AUTS2: variants seen among roughly 807,000 people sequenced by gnomAD.
The protein encoded by AUTS2 is activator of transcription and developmental regulator AUTS2.
AUTS2 carries 17 observed loss-of-function variants against 112.4 expected under a neutral mutation model. That is an observed-to-expected ratio of 0.15 (90% CI 0.10 to 0.23). The LOEUF is 0.23. Ranked by LOEUF, AUTS2 falls within the 10% of genes least tolerant of loss-of-function variation. AUTS2 has a pLI of 1.00. For missense variants in AUTS2, 1,510 were observed against 1,701.6 expected (o/e 0.89, Z 1.98); for synonymous variants, 751 against 702.7 (o/e 1.07, Z -1.09).
intron 5 of AUTS2, among the ~76,000 whole-genome samples, chr7:70,649,311 G>A (rs1585437882): frequency 6.6e-6 from 1 of 152,116 alleles, no homozygotes; most frequent in East Asian, 1.9e-4. Flanking sequence ...GAGGTGGAAG[G>A]ATTACTGGAC....
At chr7:70,180,476 A>G (rs1176085816) in intron 4 of AUTS2, among the ~76,000 whole-genome samples, 1 of 152,200 alleles carries the variant, frequency 6.6e-6, no homozygotes, top group Non-Finnish European at 1.5e-5. Context: ...TCTTCTCGGT[A>G]TTCTTTGCAA....
At chr7:70,356,264 A>T (rs1005635592) in intron 4 of AUTS2, among the ~76,000 whole-genome samples, 1 of 152,208 alleles carries the variant, frequency 6.6e-6, no homozygotes, top group Non-Finnish European at 1.5e-5. Context: ...AAACTGCTGT[A>T]TCAAGTTTCA....
intron 1 of AUTS2, among the ~76,000 whole-genome samples, chr7:69,626,675 T>C (rs1793967609): frequency 6.6e-6 from 1 of 152,246 alleles, no homozygotes; most frequent in South Asian, 2.1e-4. Flanking sequence ...AGTTAATTAC[T>C]GAACAGTGAT....
At chr7:70,034,309 T>C (rs370485074) in intron 2 of AUTS2, among the ~76,000 whole-genome samples, 71 of 152,312 alleles carry the variant, frequency 4.7e-4, no homozygotes, top group African/African-American at 1.7e-3. Context: ...TAAGTAACTC[T>C]GTGATGCTTT....
At chr7:70,722,213 G>A (rs10230729) in intron 6 of AUTS2, among the ~76,000 whole-genome samples, 114,815 of 151,878 alleles carry the variant, frequency 0.76, 43,781 homozygotes, top group East Asian at 1. Flanking sequence ...CTTTTAGGAA[G>A]TCCTACTTTG....
At chr7:69,940,357 G>T (rs1796577497) in intron 2 of AUTS2, among the ~76,000 whole-genome samples, 1 of 152,164 alleles carries the variant, frequency 6.6e-6, no homozygotes, top group Admixed American at 6.5e-5. Context: ...TGTCTTTTGG[G>T]ATGAAACATG....
At chr7:69,764,901 AGGATGGATGATG>A (rs1788353717) in intron 1 of AUTS2, among the ~76,000 whole-genome samples, 1 of 152,190 alleles carries the variant, frequency 6.6e-6, no homozygotes, top group South Asian at 2.1e-4. Context: ...AACCAGGCTT[AGGATGGATGATG>A]GGTTTATTGT....
chr7:70,524,959 G>A (rs117436622), intron 5 of AUTS2, among the ~76,000 whole-genome samples: 2 of 152,298 alleles, frequency 1.3e-5, no homozygotes, highest in Non-Finnish European at 2.9e-5. Flanking sequence ...TCTAATAAGT[G>A]CACTGGCTTG....
At chr7:70,755,839 A>T (rs559150769) in intron 6 of AUTS2, among the ~76,000 whole-genome samples, 1 of 152,102 alleles carries the variant, frequency 6.6e-6, no homozygotes, top group South Asian at 2.1e-4. Context: ...CTTTAATAAA[A>T]ATTTAATAAG....
At chr7:69,641,094 A>G (rs1794779577) in intron 1 of AUTS2, among the ~76,000 whole-genome samples, 2 of 152,198 alleles carry the variant, frequency 1.3e-5, no homozygotes, top group African/African-American at 4.8e-5. Context: ...CAGGGGAATA[A>G]CGATGAAAGG....
intron 4 of AUTS2, among the ~76,000 whole-genome samples, chr7:70,193,702 T>A (rs917927489): frequency 1.3e-5 from 2 of 152,180 alleles, no homozygotes; most frequent in Non-Finnish European, 2.9e-5. Context: ...AGGGCACTGT[T>A]CAGATTTAAC....
intron 2 of AUTS2, among the ~76,000 whole-genome samples, chr7:69,908,710 A>G (rs968739118): frequency 6.6e-6 from 1 of 152,244 alleles, no homozygotes; most frequent in South Asian, 2.1e-4. Flanking sequence ...GCATTTGCTC[A>G]GGAAGTGTTT....
chr7:70,297,013 T>C (rs1434360991), intron 4 of AUTS2, among the ~76,000 whole-genome samples: 1 of 150,674 alleles, frequency 6.6e-6, no homozygotes, highest in Non-Finnish European at 1.5e-5. Flanking sequence ...GACTTTTTTT[T>C]TTTTTTTTTT....
At chr7:70,574,550 CTTAGCA>C in intron 5 of AUTS2, among the ~76,000 whole-genome samples, 1 of 152,174 alleles carries the variant, frequency 6.6e-6, no homozygotes, top group East Asian at 1.9e-4. Flanking sequence ...CTGTTTTGCT[CTTAGCA>C]CCAGAAGTTT....
At position 69,636,484 on chromosome 7, in the gene AUTS2, C is replaced by CT. The variant is rs1352351775; in HGVS notation, c.309+36522_309+36523insT. Among the ~76,000 whole-genome samples, 107 of 76,048 alleles carry CT rather than the reference C, an allele frequency of 1.4e-3. 24 individuals carry two copies. The highest frequency in any genetic ancestry group is 9.6e-3 in the Middle Eastern group (2 of 208). 49.9% of individuals were successfully genotyped at this position (76,048 alleles called of 152,430 possible). A position where few individuals can be genotyped will look rare whatever the true frequency, so the allele number is the denominator to read the frequency against. On this transcript the variant is annotated intron_variant, in intron 1 of 18. Transcript: ENST00000342771. Reference sequence around the variant, plus strand: ...TCCTGACCTCAAGTGATCCGCGCCCCCCCCCCCCCTTGGCCTCCCAAAGTG... The same window carrying CT: ...TCCTGACCTCAAGTGATCCGCGCCCCTCCCCCCCCCTTGGCCTCCCAAAGTG...
chr7:70,738,723 G>A (rs1787920543), intron 6 of AUTS2, among the ~76,000 whole-genome samples: 1 of 152,096 alleles, frequency 6.6e-6, no homozygotes, highest in Non-Finnish European at 1.5e-5. Context: ...CCACGTGAGT[G>A]TTACATGTTC....
chr7:69,913,911 T>C (rs960937729), intron 2 of AUTS2, among the ~76,000 whole-genome samples: 3 of 152,200 alleles, frequency 2.0e-5, no homozygotes, highest in Non-Finnish European at 4.4e-5. Context: ...CTATCCTCTT[T>C]GGAAGAAATG....
chr7:70,437,121 A>G (rs1795926933), intron 5 of AUTS2: 1 of 152,262 alleles, frequency 6.6e-6, no homozygotes, highest in South Asian at 2.1e-4. Flanking sequence ...GACCTATGGA[A>G]GGGTACGCTG....
rs1187489465 is a variant in AUTS2 at position 70,792,943 on chromosome 7, G to T, written c.*1947G>T. 2 of 152,534 alleles carry T rather than the reference G, an allele frequency of 1.3e-5. No individual in the cohort carries two copies. Among genetic ancestry groups the T allele is most frequent in the Non-Finnish European group, 1.5e-5 (1 of 68,032 alleles). 9.4% of individuals were successfully genotyped at this position (152,534 alleles called of 1,614,324 possible). On this transcript the variant is annotated 3_prime_UTR_variant, in exon 19 of 19. Transcript: ENST00000342771. ...AGAAGCCATACCTGTACAAGACCGGGCTCTTGAAAAGAAACACCTCGAACC... is the reference window on the plus strand; with the variant it reads ...AGAAGCCATACCTGTACAAGACCGGTCTCTTGAAAAGAAACACCTCGAACC...
Sources: allele counts gnomAD v4.1 joint callset (sites outside exome capture counted in the v4.1 genomes callset), GRCh38; gene constraint gnomAD v4.1.1; transcripts MANE v1.5; gene names NCBI Gene and HGNC (gene_info 2026-07-23, HGNC 2026-07-21).